TPST1: variants seen among roughly 807,000 people sequenced by gnomAD.
The protein encoded by TPST1 is protein-tyrosine sulfotransferase 1.
TPST1 carries 20 observed loss-of-function variants against 34.8 expected under a neutral mutation model. That is an observed-to-expected ratio of 0.57 (90% CI 0.40 to 0.84). TPST1 has a LOEUF of 0.84. Ranked by LOEUF, TPST1 falls within the 40% of genes least tolerant of loss-of-function variation. The pLI, the probability that TPST1 is intolerant of heterozygous loss-of-function variation, is 0.00. For missense variants in TPST1, 353 were observed against 455.5 expected (o/e 0.78, Z 2.05); for synonymous variants, 152 against 159.4 (o/e 0.95, Z 0.35).
chr7:66,354,995 G>A (rs918434408), intron 4 of TPST1, among the ~76,000 whole-genome samples: 2 of 151,830 alleles, frequency 1.3e-5, no homozygotes, highest in East Asian at 1.9e-4. Flanking sequence ...TCATAAAAAC[G>A]AAGAAGATAA....
chr7:66,323,590 G>C (rs932156345), intron 3 of TPST1, among the ~76,000 whole-genome samples: 1 of 152,136 alleles, frequency 6.6e-6, no homozygotes, highest in Non-Finnish European at 1.5e-5. Context: ...AAAAACTTTT[G>C]TATTACAAAT....
At chr7:66,227,328 G>A (rs141556068) in intron 1 of TPST1, among the ~76,000 whole-genome samples, 82 of 152,134 alleles carry the variant, frequency 5.4e-4, no homozygotes, top group African/African-American at 1.9e-3. Context: ...ACTGCGCCCA[G>A]CCCAAAATAA....
At chr7:66,277,442 G>T (rs751125638) in intron 2 of TPST1, among the ~76,000 whole-genome samples, 6 of 151,928 alleles carry the variant, frequency 3.9e-5, no homozygotes, top group Admixed American at 6.6e-5. Flanking sequence ...GGTTACTGTT[G>T]GTTGTCTCCA....
intron 3 of TPST1, among the ~76,000 whole-genome samples, chr7:66,322,231 C>G (rs183156985): frequency 6.6e-6 from 1 of 152,120 alleles, no homozygotes; most frequent in Non-Finnish European, 1.5e-5. Context: ...GAATTGATTT[C>G]TTTTCATTGT....
chr7:66,225,480 C>T (rs1789635267), intron 1 of TPST1, among the ~76,000 whole-genome samples: 1 of 151,998 alleles, frequency 6.6e-6, no homozygotes, highest in Non-Finnish European at 1.5e-5. Flanking sequence ...GGCGTGGCGG[C>T]ACATGCCTGT....
At chr7:66,223,560 T>C (rs780262149) in intron 1 of TPST1, among the ~76,000 whole-genome samples, 10 of 152,176 alleles carry the variant, frequency 6.6e-5, no homozygotes, top group Non-Finnish European at 1.3e-4. Context: ...TTTGCTTTCT[T>C]TGTTCCTCAT....
At position 66,339,833 on chromosome 7, in the gene TPST1, T is replaced by TAAAAA. The variant is rs71526540; in HGVS notation, c.1045-12656_1045-12652dup. Among the ~76,000 whole-genome samples the TAAAAA allele has an allele frequency of 2.0e-4, 23 of 112,438 alleles. 1 individual carries two copies. The highest frequency in any genetic ancestry group is 7.9e-4 in the East Asian group (3 of 3,816). 73.8% of individuals were successfully genotyped at this position (112,438 alleles called of 152,430 possible). A position where few individuals can be genotyped will look rare whatever the true frequency, so the allele number is the denominator to read the frequency against. On this transcript the variant is annotated intron_variant, in intron 3 of 5. Coordinates refer to ENST00000304842, the MANE Select transcript of TPST1 (RefSeq NM_003596.4). ...AAACCAGCACATGTACCCCTCAACC[T>TAAAAA]AAAAAAAAAAAAAAAAAAAATCATC...
At chr7:66,325,720 G>T (rs3893216) in intron 3 of TPST1, among the ~76,000 whole-genome samples, 2 of 151,956 alleles carry the variant, frequency 1.3e-5, no homozygotes, top group South Asian at 2.1e-4. Context: ...ACCGCAACCT[G>T]TGCCTCCCGG....
At chr7:66,260,484 G>C (rs1790467085) in intron 2 of TPST1, among the ~76,000 whole-genome samples, 1 of 151,988 alleles carries the variant, frequency 6.6e-6, no homozygotes, top group African/African-American at 2.4e-5. Context: ...AATAATCTGT[G>C]GAATAACTGT....
intron 1 of TPST1, among the ~76,000 whole-genome samples, chr7:66,227,061 TCTCA>T (rs990268579): frequency 1.0e-5 from 1 of 96,250 alleles, no homozygotes; most frequent in South Asian, 3.2e-4. Context: ...TGAGATGGAG[TCTCA>T]CTCTGTCGCC....
chr7:66,311,896 T>C (rs1791539713), intron 3 of TPST1, among the ~76,000 whole-genome samples: 1 of 152,216 alleles, frequency 6.6e-6, no homozygotes, highest in South Asian at 2.1e-4. Flanking sequence ...GTCAAACCTT[T>C]CTCATCTTCT....
intron 3 of TPST1, among the ~76,000 whole-genome samples, chr7:66,341,106 T>A (rs1792228425): frequency 6.6e-6 from 1 of 152,102 alleles, no homozygotes; most frequent in Non-Finnish European, 1.5e-5. Context: ...AACCTAAAAT[T>A]TGTGTGGAAT....
At chr7:66,328,213 G>A (rs1791911973) in intron 3 of TPST1, among the ~76,000 whole-genome samples, 1 of 151,634 alleles carries the variant, frequency 6.6e-6, no homozygotes. Flanking sequence ...TTTTAGTAGA[G>A]ATGGGGTTTT....
chr7:66,201,275 G>A (rs1162086513), upstream of TPST1, among the ~76,000 whole-genome samples: 1 of 151,706 alleles, frequency 6.6e-6, no homozygotes, highest in Non-Finnish European at 1.5e-5. Context: ...CAGGCGTGAT[G>A]GCTCATGCCT....
intron 4 of TPST1, 40 bp from the exon 5 acceptor site, chr7:66,356,785 A>G (rs1054241874): frequency 6.2e-7 from 1 of 1,614,036 alleles, no homozygotes; most frequent in Non-Finnish European, 8.5e-7. Flanking sequence ...ATGCTGACCA[A>G]CTTCAAGGAC....
At chr7:66,294,302 G>T (rs1410355904) in intron 3 of TPST1, among the ~76,000 whole-genome samples, 1 of 152,102 alleles carries the variant, frequency 6.6e-6, no homozygotes, top group Non-Finnish European at 1.5e-5. Flanking sequence ...ATTCCAAGGT[G>T]AAAATTCCTT....
intron 1 of TPST1, among the ~76,000 whole-genome samples, chr7:66,214,831 T>C (rs891329716): frequency 1.3e-5 from 2 of 148,458 alleles, no homozygotes; most frequent in African/African-American, 2.5e-5. Context: ...CAAAAATATA[T>C]ATATAAATAT....
chr7:66,347,562 C>T (rs1234337376), intron 3 of TPST1, among the ~76,000 whole-genome samples: 1 of 152,130 alleles, frequency 6.6e-6, no homozygotes, highest in Non-Finnish European at 1.5e-5. Context: ...CAGTACCATG[C>T]TGTTTTGGTT....
intron 2 of TPST1, among the ~76,000 whole-genome samples, chr7:66,267,603 CAG>C (rs935528571): frequency 9.2e-5 from 14 of 152,088 alleles, no homozygotes; most frequent in African/African-American, 1.7e-4. Flanking sequence ...GACCGAGAAA[CAG>C]GGGAGAGAAA....
Sources: gnomAD v4.1 joint callset for allele counts (sites outside exome capture counted in the v4.1 genomes callset) on GRCh38, gnomAD v4.1.1 for gene constraint, MANE v1.5 for transcripts, NCBI Gene and HGNC (gene_info 2026-07-23, HGNC 2026-07-21) for gene names.